The following TMTC2 variants were observed in gnomAD, a reference collection of about 807,000 sequenced individuals.
TMTC2 encodes the protein protein O-mannosyl-transferase TMTC2.
TMTC2 carries 43 observed loss-of-function variants against 82.4 expected under a neutral mutation model. The ratio of observed to expected loss-of-function variants is 0.52; its 90% CI spans 0.41 to 0.67. The LOEUF is 0.67. Ranked by LOEUF, TMTC2 falls within the 30% of genes least tolerant of loss-of-function variation. The pLI is 0.00. For missense variants in TMTC2, 919 were observed against 1,012.4 expected, an observed-to-expected ratio of 0.91 and a Z score of 1.25; for synonymous variants, 408 against 381.9, an observed-to-expected ratio of 1.07 and a Z score of -0.80.
intron 3 of TMTC2, among the ~76,000 whole-genome samples, chr12:82,920,279 T>G (rs1248148139): frequency 6.6e-6 from 1 of 152,342 alleles, no homozygotes; most frequent in African/African-American, 2.4e-5. Context: ...TTGCAATAGT[T>G]ACTTCAGAGT....
chr12:82,687,615 T>G lies in TMTC2; in HGVS notation c.29T>G (p.Leu10Arg). Residue 10 changes from leucine (L) to arginine (R), a missense_variant, in exon 1 of 12, where the codon CTG becomes CGG. Coordinates refer to ENST00000321196, the MANE Select transcript of TMTC2 (RefSeq NM_152588.3). Reference sequence around the variant, plus strand: ...ATTGCAGAGTTGGTGAGCAGCGCTCTGGGGCTCGCCTTGTATCTCAACACC... The same window carrying G: ...ATTGCAGAGTTGGTGAGCAGCGCTCGGGGGCTCGCCTTGTATCTCAACACC... Reference protein sequence around the residue: MIAELVSSALGLALYLNTLS... With the variant: MIAELVSSARGLALYLNTLS... 6.2e-7 allele frequency: 1 copy of G among 1,603,144 alleles called. No homozygotes were observed. The highest frequency in any genetic ancestry group is 8.5e-7 in the Non-Finnish European group (1 of 1,176,152).
At chr12:83,047,731 A>T (rs1329839511) in intron 9 of TMTC2, among the ~76,000 whole-genome samples, 2 of 152,246 alleles carry the variant, frequency 1.3e-5, no homozygotes, top group Non-Finnish European at 1.5e-5. Flanking sequence ...ACTAAAAATT[A>T]TATGTTCCAT....
intron 8 of TMTC2, among the ~76,000 whole-genome samples, chr12:82,991,251 A>G (rs143061280): frequency 2.4e-4 from 37 of 151,296 alleles, no homozygotes; most frequent in African/African-American, 8.5e-4. Flanking sequence ...TTTTTTTCCC[A>G]TTTGGTGTAT....
At chr12:83,016,312 A>G (rs1461948124) in intron 8 of TMTC2, among the ~76,000 whole-genome samples, 1 of 152,182 alleles carries the variant, frequency 6.6e-6, no homozygotes, top group African/African-American at 2.4e-5. Flanking sequence ...TGGACTGACT[A>G]GATAGCCCTT....
intron 3 of TMTC2, among the ~76,000 whole-genome samples, chr12:82,925,290 G>A (rs1051210344): frequency 3.3e-5 from 5 of 152,126 alleles, no homozygotes; most frequent in Admixed American, 6.6e-5. Flanking sequence ...AAGCTCACAT[G>A]GGTGGGAATT....
chr12:82,828,211 C>CTT (rs58399725), intron 1 of TMTC2, among the ~76,000 whole-genome samples: 1,149 of 109,656 alleles, frequency 0.01, 40 homozygotes, highest in African/African-American at 0.039. Flanking sequence ...TTTTCTTTGG[C>CTT]TTTTTTTTTT....
chr12:82,946,072 A>G (rs944623534), intron 4 of TMTC2, among the ~76,000 whole-genome samples: 6 of 152,290 alleles, frequency 3.9e-5, no homozygotes, highest in South Asian at 2.1e-4. Flanking sequence ...AGCCAATTCT[A>G]TTTAAATTAG....
At chr12:83,104,825 T>C (rs530524665) in intron 11 of TMTC2, among the ~76,000 whole-genome samples, 3 of 152,370 alleles carry the variant, frequency 2.0e-5, no homozygotes, top group South Asian at 4.1e-4. Flanking sequence ...GCTTTTTCTT[T>C]TTCTTTCTCT....
chr12:83,089,764 C>A (rs1883778712), intron 11 of TMTC2, among the ~76,000 whole-genome samples: 1 of 151,364 alleles, frequency 6.6e-6, no homozygotes, highest in African/African-American at 2.4e-5. Flanking sequence ...ATAAGCCATG[C>A]CCTTTTTGTA....
intron 1 of TMTC2, among the ~76,000 whole-genome samples, chr12:82,721,724 A>G (rs1874215211): frequency 6.6e-6 from 1 of 152,226 alleles, no homozygotes; most frequent in African/African-American, 2.4e-5. Flanking sequence ...TTAAATATTT[A>G]TGGAAAAGTC....
chr12:83,008,536 T>C (rs11836089), intron 8 of TMTC2, among the ~76,000 whole-genome samples: 2,719 of 152,334 alleles, frequency 0.018, 70 homozygotes, highest in African/African-American at 0.061. Context: ...TGCATGTTGT[T>C]TACTTTTTCC....
intron 3 of TMTC2, among the ~76,000 whole-genome samples, chr12:82,923,140 A>C (rs1419209383): frequency 6.6e-6 from 1 of 150,914 alleles, no homozygotes; most frequent in Non-Finnish European, 1.5e-5. Flanking sequence ...CTTCCCCAAC[A>C]TCCCTACCAG....
chr12:82,833,231 T>C (rs1391860387), intron 1 of TMTC2, among the ~76,000 whole-genome samples: 1 of 152,192 alleles, frequency 6.6e-6, no homozygotes, highest in Non-Finnish European at 1.5e-5. Context: ...TACCGTAGCA[T>C]AATAAACCAA....
intron 1 of TMTC2, among the ~76,000 whole-genome samples, chr12:82,855,811 G>A (rs1005532005): frequency 6.6e-6 from 1 of 152,148 alleles, no homozygotes; most frequent in Non-Finnish European, 1.5e-5. Flanking sequence ...TTTATTCTGA[G>A]CCATAGTTAG....
chr12:82,998,330 C>G (rs1882481025), intron 8 of TMTC2, among the ~76,000 whole-genome samples: 2 of 152,040 alleles, frequency 1.3e-5, no homozygotes, highest in African/African-American at 4.8e-5. Flanking sequence ...AACATCGAGG[C>G]TAGAGCTATG....
intron 3 of TMTC2, among the ~76,000 whole-genome samples, chr12:82,929,069 T>G (rs1267867883): frequency 6.6e-6 from 1 of 152,102 alleles, no homozygotes; most frequent in Non-Finnish European, 1.5e-5. Context: ...TTTGTTTTTT[T>G]GTTTTGTTTT....
In TMTC2 at chr12:82,857,704, T is replaced by C. The variant is rs1871334082; in HGVS notation, c.654+124T>C. ...GAATTTAAAATAAGTTCCTTTTTGATCTTCAGTAAGTGGAAGTGTCCTTTT... is the reference window on the plus strand; with the variant it reads ...GAATTTAAAATAAGTTCCTTTTTGACCTTCAGTAAGTGGAAGTGTCCTTTT... On this transcript the variant is annotated intron_variant, in intron 2 of 11. Transcript: ENST00000321196. The C allele has an allele frequency of 5.7e-6, 5 of 875,388 alleles. No individual in the cohort carries two copies. In the South Asian group the frequency reaches 9.2e-5, roughly 16 times the overall value. The allele number at this position is 875,388 out of a possible 1,614,324, so 54.2% of individuals were successfully genotyped here. A position where few individuals can be genotyped will look rare whatever the true frequency, so the allele number is the denominator to read the frequency against.
intron 4 of TMTC2, among the ~76,000 whole-genome samples, chr12:82,956,696 C>T (rs902593312): frequency 1.3e-5 from 2 of 151,974 alleles, no homozygotes; most frequent in African/African-American, 2.4e-5. Flanking sequence ...TCAGGTGATC[C>T]GCCCGCCTTT....
At chr12:82,744,122 A>G (rs1384482126) in intron 1 of TMTC2, among the ~76,000 whole-genome samples, 2 of 152,120 alleles carry the variant, frequency 1.3e-5, no homozygotes, top group Non-Finnish European at 2.9e-5. Flanking sequence ...TCTAAAATAT[A>G]TATTTTTAAA....
Sources: gnomAD v4.1 joint callset for allele counts (sites outside exome capture counted in the v4.1 genomes callset) on GRCh38, gnomAD v4.1.1 for gene constraint, MANE v1.5 for transcripts, NCBI Gene and HGNC (gene_info 2026-07-23, HGNC 2026-07-21) for gene names.